LAMA2: variants seen among roughly 807,000 people sequenced by gnomAD.
LAMA2 encodes the protein laminin subunit alpha-2.
A neutral mutation model predicts 364.8 loss-of-function variants in LAMA2; 269 were observed. The observed-to-expected ratio is 0.74, with a 90% CI of 0.67 to 0.82. The LOEUF is 0.82. Among genes scored for constraint, LAMA2 ranks in the 40% least tolerant of loss-of-function variants. LAMA2 has a pLI of 0.00. For missense variants in LAMA2, 3,807 were observed against 3,873.2 expected, an observed-to-expected ratio of 0.98 and a Z score of 0.45; for synonymous variants, 1,379 against 1,370.6, an observed-to-expected ratio of 1.01 and a Z score of -0.14.
chr6:129,454,363 C>A (rs543107835), intron 47 of LAMA2, 75 bp downstream of exon 47: 3 of 1,197,192 alleles, frequency 2.5e-6, no homozygotes, highest in East Asian at 2.5e-5. Flanking sequence ...TAAGAAAACT[C>A]CTATTTCCAT....
chr6:129,106,956 G>A lies in LAMA2; in HGVS notation c.639+8541G>A, dbSNP rs566334968. Among the ~76,000 whole-genome samples the A allele has an allele frequency of 3.3e-5, 5 of 151,476 alleles. No individual in the cohort carries two copies. The South Asian group carries it at 1.0e-3, about 32-fold the overall frequency. ...GCAGTATTGTTGAAAAACAAAGATG[G>A]CCAGAGAAACTGAATGAGAATGGAA... is the stretch of plus-strand genomic sequence containing the variant. On this transcript the variant is annotated intron_variant, in intron 4 of 64. Coordinates refer to ENST00000421865, the MANE Select transcript of LAMA2 (RefSeq NM_000426.4).
At chr6:129,460,884 A>T (rs1783219667) in intron 49 of LAMA2, among the ~76,000 whole-genome samples, 1 of 151,942 alleles carries the variant, frequency 6.6e-6, no homozygotes, top group African/African-American at 2.4e-5. Flanking sequence ...AGAGAAGGAG[A>T]ACAAGGGGCC....
At chr6:128,968,452 T>G (rs546104266) in intron 1 of LAMA2, among the ~76,000 whole-genome samples, 85 of 152,212 alleles carry the variant, frequency 5.6e-4, no homozygotes, top group African/African-American at 2.0e-3. Flanking sequence ...AGGAAAGAAA[T>G]AAATCAACAA....
At chr6:129,200,121 TGTGTATATATATAC>T (rs1782112465) in intron 12 of LAMA2, among the ~76,000 whole-genome samples, 4 of 116,636 alleles carry the variant, frequency 3.4e-5, no homozygotes, top group Admixed American at 1.6e-4. Flanking sequence ...CGTATATATA[TGTGTATATATATAC>T]GTGTACACAT....
At chr6:129,486,102 C>G (rs1023857612) in intron 55 of LAMA2, among the ~76,000 whole-genome samples, 1 of 152,194 alleles carries the variant, frequency 6.6e-6, no homozygotes, top group Non-Finnish European at 1.5e-5. Context: ...GGAGTCAGGC[C>G]TGATTCTCAG....
Position 129,147,998 on chromosome 6 carries a change from T to C in LAMA2, c.909+950T>C, listed in dbSNP as rs367801824. On this transcript the variant is annotated intron_variant, in intron 6 of 64. Transcript: ENST00000421865. ...CATGCAGGTTTGTTACATAGGTAAA[T>C]GTGTGTCATGGTCATTTGCTGCCCC... Among the ~76,000 whole-genome samples, 76 of 152,138 alleles carry C rather than the reference T, an allele frequency of 5.0e-4. 1 individual carries two copies. In the South Asian group the frequency reaches 0.015, roughly 29 times the overall value.
intron 40 of LAMA2, among the ~76,000 whole-genome samples, chr6:129,412,118 A>C (rs956400606): frequency 6.6e-6 from 1 of 152,158 alleles, no homozygotes; most frequent in African/African-American, 2.4e-5. Context: ...AAACAGAACA[A>C]ATTGGAAGTG....
intron 1 of LAMA2, among the ~76,000 whole-genome samples, chr6:129,042,875 A>G (rs1044775205): frequency 2.0e-5 from 3 of 152,140 alleles, no homozygotes; most frequent in African/African-American, 7.2e-5. Context: ...ATAGTATTTC[A>G]TTGTTTAAAT....
chr6:128,975,018 A>T (rs1266726592), intron 1 of LAMA2, among the ~76,000 whole-genome samples: 1 of 151,676 alleles, frequency 6.6e-6, no homozygotes, highest in African/African-American at 2.4e-5. Flanking sequence ...TGCCCAGCTA[A>T]TTTTTTTGTA....
At chr6:129,263,383 C>A (rs1787274497) in intron 15 of LAMA2, among the ~76,000 whole-genome samples, 1 of 152,054 alleles carries the variant, frequency 6.6e-6, no homozygotes. Flanking sequence ...AAAGTTACTG[C>A]AAGTGGTTGT....
In LAMA2 at chr6:129,506,050, G is replaced by GTAATT. The variant is rs575670061; in HGVS notation, c.8703+698_8703+702dup. On this transcript the variant is annotated intron_variant, in intron 61 of 64. Transcript: ENST00000421865. ...AAGGATTGCATAAAGATTAAATGAG[G>GTAATT]TAATTTATTTAAAGTGATTGGGTTG... Among the ~76,000 whole-genome samples the GTAATT allele has an allele frequency of 7.2e-5, 11 of 151,964 alleles. No homozygotes were observed. The South Asian group carries it at 2.3e-3, about 32-fold the overall frequency.
intron 1 of LAMA2, among the ~76,000 whole-genome samples, chr6:129,038,626 A>G (rs1355471675): frequency 2.0e-5 from 3 of 152,136 alleles, no homozygotes; most frequent in African/African-American, 4.8e-5. Flanking sequence ...CTCTACTCCT[A>G]TCATTATCTG....
At chr6:128,956,908 T>C (rs1336369991) in intron 1 of LAMA2, among the ~76,000 whole-genome samples, 2 of 152,020 alleles carry the variant, frequency 1.3e-5, no homozygotes, top group Non-Finnish European at 2.9e-5. Flanking sequence ...CAAAATAAAT[T>C]CCTCTCTGAG....
intron 12 of LAMA2, among the ~76,000 whole-genome samples, chr6:129,239,065 A>G (rs916097011): frequency 3.9e-5 from 6 of 152,236 alleles, no homozygotes; most frequent in Non-Finnish European, 8.8e-5. Flanking sequence ...TAGCAACAAT[A>G]ACAGGAACAA....
chr6:129,256,763 C>CAAATAT (rs749883373), intron 14 of LAMA2, among the ~76,000 whole-genome samples: 2,913 of 87,918 alleles, frequency 0.033, 173 homozygotes, highest in African/African-American at 0.06. Flanking sequence ...AATTATATAG[C>CAAATAT]ATATATATAT....
At chr6:129,099,689 GT>G (rs1775406924) in intron 4 of LAMA2, among the ~76,000 whole-genome samples, 1 of 152,134 alleles carries the variant, frequency 6.6e-6, no homozygotes, top group Non-Finnish European at 1.5e-5. Flanking sequence ...GAAAATTAGG[GT>G]TTTGGCATAA....
At position 129,324,343 on chromosome 6, in the gene LAMA2, A is replaced by C. The variant is rs115106427; in HGVS notation, c.4176+3688A>C. On this transcript the variant is annotated intron_variant, in intron 28 of 64. Transcript: ENST00000421865. Reference sequence around the variant, plus strand: ...ACCTACCATTGATTGAGTGCTTACTATCTCCTGTACACTTCCTAATACAGT... The same window carrying C: ...ACCTACCATTGATTGAGTGCTTACTCTCTCCTGTACACTTCCTAATACAGT... Among the ~76,000 whole-genome samples, 590 of 152,318 alleles carry C rather than the reference A, an allele frequency of 3.9e-3. 5 individuals carry two copies. Among genetic ancestry groups the C allele is most frequent in the African/African-American group, 0.013 (547 of 41,566 alleles).
intron 18 of LAMA2, among the ~76,000 whole-genome samples, chr6:129,286,003 G>C (rs1360130289): frequency 6.6e-6 from 1 of 151,984 alleles, no homozygotes. Flanking sequence ...AGAAAACTTA[G>C]AATCATCAAT....
At chr6:129,199,897 G>A (rs1782080125) in intron 12 of LAMA2, among the ~76,000 whole-genome samples, 1 of 151,820 alleles carries the variant, frequency 6.6e-6, no homozygotes, top group African/African-American at 2.4e-5. Context: ...TGGCCAACAT[G>A]GCAAAACCCT....
Sources: allele counts gnomAD v4.1 joint callset (sites outside exome capture counted in the v4.1 genomes callset), GRCh38; gene constraint gnomAD v4.1.1; transcripts MANE v1.5; gene names NCBI Gene and HGNC (gene_info 2026-07-23, HGNC 2026-07-21).